The following TOX variants were observed in gnomAD, a reference collection of about 807,000 sequenced individuals.
TOX encodes thymocyte selection associated high mobility group box.
Under a neutral mutation model 53.7 loss-of-function variants are expected in TOX, and 11 were observed. That is an observed-to-expected ratio of 0.20 (90% CI 0.13 to 0.34). The LOEUF is 0.34. TOX is among the 10% of genes least tolerant of loss of function. TOX has a pLI of 1.00. For missense variants in TOX, 570 were observed against 664.6 expected (o/e 0.86, Z 1.56); for synonymous variants, 225 against 245.3 (o/e 0.92, Z 0.77).
At chr8:59,023,537 C>T (rs1266194619) in intron 1 of TOX, among the ~76,000 whole-genome samples, 6 of 152,094 alleles carry the variant, frequency 3.9e-5, no homozygotes, top group African/African-American at 7.2e-5. Flanking sequence ...TGGCTCTTTC[C>T]ACTACATTAC....
chr8:59,034,183 G>T (rs963903085), intron 1 of TOX, among the ~76,000 whole-genome samples: 5 of 152,178 alleles, frequency 3.3e-5, no homozygotes, highest in East Asian at 1.9e-4. Flanking sequence ...TTGAGAGATT[G>T]TATCTGTCTC....
At chr8:58,911,569 T>C (rs1398568897) in intron 3 of TOX, among the ~76,000 whole-genome samples, 3 of 152,216 alleles carry the variant, frequency 2.0e-5, no homozygotes, top group Non-Finnish European at 4.4e-5. Flanking sequence ...TCTTCATTGA[T>C]AGTTAGGTGT....
rs538519803 is a variant in TOX at position 59,081,608 on chromosome 8, A to T, written c.102+37278T>A. Reference sequence around the variant, plus strand: ...CATCTCTGAAAAGTAGCACTTGAAAAAGTGTCTTTACATGATGTCTAAGAA... The same window carrying T: ...CATCTCTGAAAAGTAGCACTTGAAATAGTGTCTTTACATGATGTCTAAGAA... On this transcript the variant is annotated intron_variant, in intron 1 of 8. Transcript: ENST00000361421. Among the ~76,000 whole-genome samples the T allele has an allele frequency of 5.3e-5, 8 of 152,324 alleles. No homozygotes were observed. The South Asian group carries it at 1.7e-3, about 32-fold the overall frequency.
intron 1 of TOX, among the ~76,000 whole-genome samples, chr8:59,014,398 C>T (rs1813970855): frequency 6.6e-6 from 1 of 152,214 alleles, no homozygotes; most frequent in Non-Finnish European, 1.5e-5. Flanking sequence ...TAAATTTTTC[C>T]TGTCATCTGT....
intron 2 of TOX, among the ~76,000 whole-genome samples, chr8:58,949,835 A>G (rs147317613): frequency 0.02 from 2,996 of 150,434 alleles, 64 homozygotes; most frequent in East Asian, 0.089. Flanking sequence ...TATATAAAAT[A>G]TATATATTTT....
At chr8:59,084,420 A>G (rs1293214100) in intron 1 of TOX, among the ~76,000 whole-genome samples, 1 of 152,182 alleles carries the variant, frequency 6.6e-6, no homozygotes, top group Non-Finnish European at 1.5e-5. Flanking sequence ...TGAGAGACAG[A>G]TAACACTCTC....
intron 1 of TOX, among the ~76,000 whole-genome samples, chr8:59,044,508 C>A (rs1803651053): frequency 6.6e-6 from 1 of 152,108 alleles, no homozygotes; most frequent in Admixed American, 6.5e-5. Context: ...GAGGAGACAA[C>A]AGAATATTTA....
chr8:58,971,318 T>C (rs113104948), intron 1 of TOX, among the ~76,000 whole-genome samples: 218 of 152,290 alleles, frequency 1.4e-3, no homozygotes, highest in Non-Finnish European at 2.4e-3. Flanking sequence ...GCTTCTCTTG[T>C]AGGTAAGGCA....
At chr8:58,857,806 G>C (rs1251085992) in intron 3 of TOX, among the ~76,000 whole-genome samples, 3 of 151,466 alleles carry the variant, frequency 2.0e-5, no homozygotes, top group Non-Finnish European at 4.4e-5. Flanking sequence ...CTCTTACTCT[G>C]TCGCACAGGC....
intron 6 of TOX, among the ~76,000 whole-genome samples, chr8:58,821,479 C>T (rs1368345910): frequency 6.6e-6 from 1 of 151,978 alleles, no homozygotes; most frequent in Non-Finnish European, 1.5e-5. Context: ...CTACCATCTT[C>T]ACAAATTTTC....
chr8:58,923,281 T>C (rs1563390312), intron 3 of TOX, among the ~76,000 whole-genome samples: 1 of 152,300 alleles, frequency 6.6e-6, no homozygotes, highest in African/African-American at 2.4e-5. Context: ...TGGATCATGG[T>C]GGCAGTGGTG....
intron 1 of TOX, among the ~76,000 whole-genome samples, chr8:58,967,409 T>G (rs1028060401): frequency 1.3e-5 from 2 of 152,170 alleles, no homozygotes; most frequent in African/African-American, 4.8e-5. Flanking sequence ...TCCAGTTACA[T>G]GCTCCCCAGA....
At chr8:58,915,439 C>T (rs1156976462) in intron 3 of TOX, among the ~76,000 whole-genome samples, 1 of 103,690 alleles carries the variant, frequency 9.6e-6, no homozygotes, top group Non-Finnish European at 2.0e-5. Flanking sequence ...CCAGCAGGGG[C>T]ACACTGACAC....
intron 3 of TOX, among the ~76,000 whole-genome samples, chr8:58,903,285 T>C (rs1218267324): frequency 6.6e-6 from 1 of 152,188 alleles, no homozygotes; most frequent in Non-Finnish European, 1.5e-5. Context: ...TAGTGGACTC[T>C]GTTGTTTTAG....
intron 1 of TOX, among the ~76,000 whole-genome samples, chr8:59,003,310 C>CT (rs1241245414): frequency 6.6e-6 from 1 of 152,020 alleles, no homozygotes; most frequent in African/African-American, 2.4e-5. Context: ...GAAATGTTTT[C>CT]TTTTTTCAGG....
At chr8:58,908,440 G>T (rs1003989042) in intron 3 of TOX, among the ~76,000 whole-genome samples, 11 of 152,074 alleles carry the variant, frequency 7.2e-5, no homozygotes, top group African/African-American at 2.7e-4. Flanking sequence ...CCTTTTTCCA[G>T]CCACGCTGTT....
chr8:59,030,208 T>C (rs1333445520), intron 1 of TOX, among the ~76,000 whole-genome samples: 1 of 152,190 alleles, frequency 6.6e-6, no homozygotes, highest in African/African-American at 2.4e-5. Flanking sequence ...TCTGCAAAAG[T>C]CATTTTTCTA....
At chr8:58,809,952 G>A (rs1022206788) in intron 7 of TOX, among the ~76,000 whole-genome samples, 6 of 152,172 alleles carry the variant, frequency 3.9e-5, no homozygotes, top group African/African-American at 1.4e-4. Context: ...GAAAGGTGCA[G>A]GGTATATAAA....
intron 3 of TOX, among the ~76,000 whole-genome samples, chr8:58,873,632 T>C (rs189892386): frequency 1.3e-5 from 2 of 152,252 alleles, no homozygotes; most frequent in South Asian, 2.1e-4. Flanking sequence ...TACAATCTCA[T>C]GTGTGTCAAT....
Sources: gnomAD v4.1 joint callset for allele counts (sites outside exome capture counted in the v4.1 genomes callset) on GRCh38, gnomAD v4.1.1 for gene constraint, MANE v1.5 for transcripts, NCBI Gene and HGNC (gene_info 2026-07-23, HGNC 2026-07-21) for gene names.